The following CSPP1 variants were observed in gnomAD, a reference collection of about 807,000 sequenced individuals.
CSPP1 encodes the protein centrosome and spindle pole associated protein 1.
Under a neutral mutation model 164.4 loss-of-function variants are expected in CSPP1, and 126 were observed. The observed-to-expected ratio is 0.77, with a 90% CI of 0.66 to 0.89. CSPP1 has a LOEUF of 0.89. CSPP1 is among the 40% of genes least tolerant of loss of function. The probability of loss-of-function intolerance (pLI) is 0.00; values close to 1 mark genes in which losing one functional copy is unlikely to be tolerated. For missense variants in CSPP1, 1,395 were observed against 1,449.8 expected, an observed-to-expected ratio of 0.96 and a Z score of 0.61; for synonymous variants, 472 against 476.7, an observed-to-expected ratio of 0.99 and a Z score of 0.13.
intron 30 of CSPP1, among the ~76,000 whole-genome samples, chr8:67,194,600 GTTTT>G (rs1224747492): frequency 6.6e-6 from 1 of 151,338 alleles, no homozygotes; most frequent in African/African-American, 2.4e-5. Context: ...TGTCTACACT[GTTTT>G]TTAACATTGT....
intron 15 of CSPP1, among the ~76,000 whole-genome samples, chr8:67,128,103 G>T (rs1471257154): frequency 6.6e-6 from 1 of 152,014 alleles, no homozygotes; most frequent in Non-Finnish European, 1.5e-5. Flanking sequence ...TATTTCTAGG[G>T]TAACCACTAA....
At chr8:67,142,501 A>AT (rs1172916947) in intron 17 of CSPP1, among the ~76,000 whole-genome samples, 8 of 151,912 alleles carry the variant, frequency 5.3e-5, no homozygotes, top group South Asian at 2.1e-4. Context: ...TCAGTAGCTT[A>AT]TTTTTTTTAT....
At chr8:67,160,038 T>A (rs201365803) in intron 21 of CSPP1, among the ~76,000 whole-genome samples, 1 of 96,790 alleles carries the variant, frequency 1.0e-5, no homozygotes, top group African/African-American at 6.8e-5. Flanking sequence ...TTTCTTTTTC[T>A]TTTTCTTTTT....
At chr8:67,146,468 G>A (rs1229532414) in intron 17 of CSPP1, among the ~76,000 whole-genome samples, 1 of 152,076 alleles carries the variant, frequency 6.6e-6, no homozygotes, top group Non-Finnish European at 1.5e-5. Flanking sequence ...AAGTTTGTGA[G>A]ATTTGTTTTA....
At chr8:67,137,777 T>A (rs991416527) in intron 17 of CSPP1, among the ~76,000 whole-genome samples, 174 bp downstream of exon 17, 1 of 152,184 alleles carries the variant, frequency 6.6e-6, no homozygotes, top group African/African-American at 2.4e-5. Context: ...TAGAAAGCAT[T>A]TCTTCTTCAG....
rs567786119 is a variant in CSPP1, at chr8:67,171,032, C to T, written c.2829-1384C>T. On this transcript the variant is annotated intron_variant, in intron 24 of 30. Coordinates refer to ENST00000678616, the MANE Select transcript of CSPP1 (RefSeq NM_001382391.1). ...TGATCTCCTGACCTCGTGATCCGCC[C>T]GCCTCGGCCTCCCAAAGTGCTGGGA... 5.6e-3 allele frequency among the ~76,000 whole-genome samples: 837 copies of T among 150,468 alleles called. 9 individuals carry two copies. The highest frequency in any genetic ancestry group is 0.019 in the African/African-American group (797 of 41,176).
At chr8:67,190,146 G>T (rs563217792) in intron 28 of CSPP1, among the ~76,000 whole-genome samples, 51 of 152,276 alleles carry the variant, frequency 3.3e-4, no homozygotes, top group African/African-American at 8.7e-4. Context: ...TCATAGCAGT[G>T]TTATTCATAA....
At chr8:67,113,114 A>G (rs1242041460) in intron 10 of CSPP1, among the ~76,000 whole-genome samples, 1 of 152,124 alleles carries the variant, frequency 6.6e-6, no homozygotes, top group Non-Finnish European at 1.5e-5. Context: ...GCGTGGTGGC[A>G]CATGCTTGTG....
intron 28 of CSPP1, among the ~76,000 whole-genome samples, chr8:67,183,936 T>G (rs1325041530): frequency 1.5e-5 from 2 of 136,804 alleles, no homozygotes; most frequent in South Asian, 5.0e-4. Flanking sequence ...CACTGCAACC[T>G]CCGCCTCCCG....
At chr8:67,172,812 T>A (rs1192212997) in intron 25 of CSPP1, 1 of 295,588 alleles carries the variant, frequency 3.4e-6, no homozygotes, top group African/African-American at 2.2e-5. Context: ...TCGCATAGAC[T>A]AGTACGAAGA....
intron 7 of CSPP1, among the ~76,000 whole-genome samples, chr8:67,098,050 CAAA>C (rs200094346): frequency 2.5e-5 from 3 of 120,086 alleles, no homozygotes; most frequent in Non-Finnish European, 1.8e-5. Context: ...TTATTTCCAG[CAAA>C]AAAAAAAAAA....
At chr8:67,144,285 G>A (rs921442382) in intron 17 of CSPP1, among the ~76,000 whole-genome samples, 3 of 152,108 alleles carry the variant, frequency 2.0e-5, no homozygotes, top group Non-Finnish European at 2.9e-5. Context: ...CTGTATTATT[G>A]TCTTTTATAC....
chr8:67,195,475 C>T lies in CSPP1; in HGVS notation c.3563C>T (p.Pro1188Leu), dbSNP rs769955793. 3.7e-6 allele frequency: 6 copies of T among 1,613,970 alleles called. No individual in the cohort carries two copies. The African/African-American group carries it at 6.7e-5, about 18-fold the overall frequency. ...NSVATEPWLR[P>L]GTSETLKRFM... ...GTAGCAACTGAGCCCTGGCTCCGCC[C>T]TGGCACTTCAGAAACGCTGAAACGT... The change falls in exon 31 of 31, where the codon CCT (proline) becomes CTT (leucine). Residue 1188 changes from proline to leucine, a missense_variant. Transcript: ENST00000678616.
intron 17 of CSPP1, among the ~76,000 whole-genome samples, chr8:67,147,321 T>C (rs1026187030): frequency 1.3e-5 from 2 of 152,242 alleles, no homozygotes; most frequent in Non-Finnish European, 2.9e-5. Context: ...TTGGGAATTT[T>C]CTTGCAGTCA....
chr8:67,181,452 G>A (rs1291621515), intron 28 of CSPP1, among the ~76,000 whole-genome samples: 6 of 151,542 alleles, frequency 4.0e-5, no homozygotes, highest in African/African-American at 7.3e-5. Context: ...TGCTTGTCAG[G>A]GAAATGAGAC....
chr8:67,111,887 A>G, intron 9 of CSPP1, 85 bp from the exon 10 acceptor site: 2 of 725,088 alleles, frequency 2.8e-6, no homozygotes, highest in Non-Finnish European at 2.3e-6. Context: ...TGATACAATT[A>G]AGATGGAGTT....
chr8:67,074,384 A>C (rs1333870521), intron 2 of CSPP1, 33 bp downstream of exon 2: 3 of 1,316,944 alleles, frequency 2.3e-6, no homozygotes, highest in African/African-American at 1.5e-5. Flanking sequence ...AACATGTTTT[A>C]TTATAATTGT....
chr8:67,091,784 T>A lies in CSPP1; in HGVS notation c.304-19T>A, dbSNP rs1051925984. ...AAAGGCAATTAGGTAATATATTTTT[T>A]TAATGTGTATATATACAGAAAAATT... On this transcript the variant is annotated intron_variant, in intron 4 of 30. Coordinates refer to ENST00000678616, the MANE Select transcript of CSPP1 (RefSeq NM_001382391.1). The A allele has an allele frequency of 4.0e-5, 39 of 985,284 alleles. No individual in the cohort carries two copies. The highest frequency in any genetic ancestry group is 5.3e-5 in the Non-Finnish European group (38 of 716,098). The allele number at this position is 985,284 out of a possible 1,614,324, so 61.0% of individuals were successfully genotyped here. A position where few individuals can be genotyped will look rare whatever the true frequency, so the allele number is the denominator to read the frequency against.
chr8:67,193,325 G>A, intron 29 of CSPP1, 139 bp from the exon 30 acceptor site: 3 of 584,240 alleles, frequency 5.1e-6, no homozygotes. Context: ...TTGAACTCCT[G>A]ACTTCAGGTG....
Sources: gnomAD v4.1 joint callset for allele counts (sites outside exome capture counted in the v4.1 genomes callset) on GRCh38, gnomAD v4.1.1 for gene constraint, MANE v1.5 for transcripts, NCBI Gene and HGNC (gene_info 2026-07-23, HGNC 2026-07-21) for gene names.